PDE4D: variants seen among roughly 807,000 people sequenced by gnomAD.
The protein encoded by PDE4D is phosphodiesterase 4D.
In PDE4D, 24 loss-of-function variants were observed where a neutral mutation model predicts 87.4. The observed-to-expected ratio is 0.27, with a 90% CI of 0.20 to 0.39. PDE4D has a LOEUF of 0.39. PDE4D is among the 10% of genes least tolerant of loss of function. The probability of loss-of-function intolerance (pLI) is 1.00; values close to 1 mark genes in which losing one functional copy is unlikely to be tolerated. For synonymous variants in PDE4D, 384 were observed against 383.2 expected, an observed-to-expected ratio of 1.00 and a Z score of -0.02; for missense variants, 714 against 1,041.0, an observed-to-expected ratio of 0.69 and a Z score of 4.32.
At chr5:59,211,089 C>T (rs1215510886) in intron 2 of PDE4D, among the ~76,000 whole-genome samples, 1 of 152,002 alleles carries the variant, frequency 6.6e-6, no homozygotes. Context: ...CTTCATGACA[C>T]CACTTGGGCA....
chr5:60,177,373 C>A (rs371678893), intron 2 of PDE4D, among the ~76,000 whole-genome samples: 1 of 152,128 alleles, frequency 6.6e-6, no homozygotes, highest in Admixed American at 6.6e-5. Context: ...CAAAATATTA[C>A]AGCTCTTATC....
At chr5:60,232,191 C>A (rs1406996879) in intron 1 of PDE4D, among the ~76,000 whole-genome samples, 1 of 151,762 alleles carries the variant, frequency 6.6e-6, no homozygotes, top group Non-Finnish European at 1.5e-5. Context: ...TAAGCAATTG[C>A]AATATAAAGT....
chr5:59,992,489 T>C (rs747712244), intron 2 of PDE4D, among the ~76,000 whole-genome samples: 4 of 152,192 alleles, frequency 2.6e-5, no homozygotes, highest in Non-Finnish European at 5.9e-5. Flanking sequence ...GTGTAAATAC[T>C]CTTCTTCTGG....
chr5:59,252,435 G>T (rs1760132904), intron 1 of PDE4D, among the ~76,000 whole-genome samples: 1 of 152,060 alleles, frequency 6.6e-6, no homozygotes, highest in Non-Finnish European at 1.5e-5. Flanking sequence ...AACTAACCAG[G>T]TGTGTAATTG....
chr5:60,272,811 T>C (rs959031559), intron 1 of PDE4D, among the ~76,000 whole-genome samples: 14 of 152,226 alleles, frequency 9.2e-5, no homozygotes, highest in Non-Finnish European at 1.8e-4. Context: ...GAAGGGAATA[T>C]GTCATTCAAC....
At chr5:60,108,636 A>C (rs1777317182) in intron 2 of PDE4D, among the ~76,000 whole-genome samples, 1 of 152,148 alleles carries the variant, frequency 6.6e-6, no homozygotes, top group Non-Finnish European at 1.5e-5. Context: ...TAACCAAAAC[A>C]GCATGGTACT....
intron 5 of PDE4D, among the ~76,000 whole-genome samples, chr5:59,121,924 A>T (rs776469116): frequency 2.0e-5 from 3 of 152,108 alleles, no homozygotes; most frequent in Non-Finnish European, 2.9e-5. Flanking sequence ...CGGGCGGATC[A>T]CGTGGTCAGG....
upstream of PDE4D, among the ~76,000 whole-genome samples, chr5:59,898,153 T>G (rs1751861902): frequency 6.6e-6 from 1 of 152,226 alleles, no homozygotes; most frequent in South Asian, 2.1e-4. Flanking sequence ...TGTCTTTGAC[T>G]AGCACACTAA....
intron 2 of PDE4D, among the ~76,000 whole-genome samples, chr5:60,011,986 C>T (rs1533019): frequency 0.73 from 111,148 of 152,016 alleles, 41,184 homozygotes; most frequent in East Asian, 0.89. Context: ...CTGACCATGA[C>T]AGCCACTAAC....
chr5:59,908,957 C>T (rs747612771), intron 3 of PDE4D, among the ~76,000 whole-genome samples: 3 of 152,138 alleles, frequency 2.0e-5, no homozygotes, highest in Non-Finnish European at 4.4e-5. Flanking sequence ...CTTATATTTT[C>T]AACTTGGTTT....
At chr5:59,666,903 T>C (rs1580272666) in intron 1 of PDE4D, among the ~76,000 whole-genome samples, 1 of 152,182 alleles carries the variant, frequency 6.6e-6, no homozygotes, top group South Asian at 2.1e-4. Flanking sequence ...TCCAGCTCTT[T>C]TTTCACATGA....
rs1392576864 is a variant in PDE4D at position 60,494,798 on chromosome 5, C to T, written n.70+27253G>A. ...AACCAGAGAAATAACCACCAGTGAACATTTCAGGCCTCATGAAGCATGACA... is the reference window on the plus strand; with the variant it reads ...AACCAGAGAAATAACCACCAGTGAATATTTCAGGCCTCATGAAGCATGACA... On this transcript the variant is annotated intron_variant and non_coding_transcript_variant, in intron 1 of 2. Coordinates refer to the PDE4D transcript ENST00000506510. 1.6e-3 allele frequency among the ~76,000 whole-genome samples: 245 copies of T among 152,206 alleles called. 5 individuals carry two copies. Among genetic ancestry groups the T allele is most frequent in the Admixed American group, 0.016 (243 of 15,284 alleles).
In PDE4D at chr5:60,207,265, G is replaced by C. The variant is rs1742652040; in HGVS notation, c.-89-21578C>G. ...CAGAGGATTTGTTACAGGCAGCTGAGGTAAATAACCTAAGATGGTTAAGGG... is the reference window on the plus strand; with the variant it reads ...CAGAGGATTTGTTACAGGCAGCTGACGTAAATAACCTAAGATGGTTAAGGG... On this transcript the variant is annotated intron_variant, in intron 1 of 16. Coordinates refer to the PDE4D transcript ENST00000502484. 1.3e-5 allele frequency among the ~76,000 whole-genome samples: 2 copies of C among 152,168 alleles called. 1 individual carries two copies. Among genetic ancestry groups the C allele is most frequent in the South Asian group, 4.1e-4 (2 of 4,824 alleles).
At chr5:59,125,104 A>G (rs902638606) in intron 5 of PDE4D, 5 of 178,882 alleles carry the variant, frequency 2.8e-5, no homozygotes, top group African/African-American at 9.5e-5. Context: ...AAATTTGTGT[A>G]ACCAAAACCA....
At chr5:60,012,694 T>C (rs1765129786) in intron 2 of PDE4D, among the ~76,000 whole-genome samples, 2 of 152,200 alleles carry the variant, frequency 1.3e-5, no homozygotes, top group African/African-American at 4.8e-5. Context: ...GACAGCTTCA[T>C]AGCCTGACAG....
intron 1 of PDE4D, among the ~76,000 whole-genome samples, chr5:60,272,764 T>G (rs986647552): frequency 2.0e-5 from 3 of 152,216 alleles, no homozygotes; most frequent in Admixed American, 6.5e-5. Context: ...AATTGTTAAC[T>G]GAGGCCCTTT....
intron 1 of PDE4D, among the ~76,000 whole-genome samples, chr5:59,520,094 C>G (rs1166619475): frequency 1.3e-5 from 2 of 152,058 alleles, no homozygotes; most frequent in East Asian, 1.9e-4. Context: ...AACCTCATCT[C>G]TACTCATAAT....
chr5:60,141,786 A>G (rs1223397931), intron 2 of PDE4D, among the ~76,000 whole-genome samples: 4 of 152,204 alleles, frequency 2.6e-5, no homozygotes, highest in Non-Finnish European at 4.4e-5. Context: ...AAGCTGAAAC[A>G]ATATATGTTT....
intron 5 of PDE4D, among the ~76,000 whole-genome samples, chr5:59,092,208 C>T (rs1370110814): frequency 6.6e-6 from 1 of 152,152 alleles, no homozygotes; most frequent in Admixed American, 6.6e-5. Flanking sequence ...TTATGAATCT[C>T]TTTAACAAGC....
Sources: allele counts gnomAD v4.1 joint callset (sites outside exome capture counted in the v4.1 genomes callset), GRCh38; gene constraint gnomAD v4.1.1; transcripts MANE v1.5; gene names NCBI Gene and HGNC (gene_info 2026-07-23, HGNC 2026-07-21).